Variants in LRRC4C observed in about 807,000 individuals in gnomAD.
LRRC4C encodes the protein leucine rich repeat containing 4C.
In LRRC4C, 5 loss-of-function variants were observed where a neutral mutation model predicts 33.6. The ratio of observed to expected loss-of-function variants is 0.15; its 90% confidence interval spans 0.08 to 0.31. The LOEUF (loss-of-function observed/expected upper bound fraction) is 0.31, where lower values mean the gene tolerates loss of function less well. Among genes scored for constraint, LRRC4C ranks in the 10% least tolerant of loss-of-function variants. The pLI, the probability that LRRC4C is intolerant of heterozygous loss-of-function variation, is 1.00. For synonymous variants in LRRC4C, 329 were observed against 302.0 expected, an observed-to-expected ratio of 1.09 and a Z score of -0.93; for missense variants, 560 against 796.7, an observed-to-expected ratio of 0.70 and a Z score of 3.58.
intron 1 of LRRC4C, among the ~76,000 whole-genome samples, chr11:41,431,238 CAGTAA>C (rs1275153967): frequency 6.6e-6 from 1 of 151,964 alleles, no homozygotes; most frequent in African/African-American, 2.4e-5. Flanking sequence ...AAGGTTAAAA[CAGTAA>C]TATTAACCAA....
At chr11:40,127,014 T>C (rs552173936) in intron 6 of LRRC4C, among the ~76,000 whole-genome samples, 12 of 151,670 alleles carry the variant, frequency 7.9e-5, no homozygotes, top group Non-Finnish European at 1.5e-4. Flanking sequence ...GTGTAGTGGC[T>C]CACGCCTATA....
In LRRC4C at chr11:40,892,866, G is replaced by C. The variant is rs76267420; in HGVS notation, c.-407+40769C>G. On this transcript the variant is annotated intron_variant, in intron 2 of 6. Transcript: ENST00000528697. Reference sequence around the variant, plus strand: ...ATTTTGTATATACAAGATAGTAGTGGTTGTTACACAATATTATAATGTATT... The same window carrying C: ...ATTTTGTATATACAAGATAGTAGTGCTTGTTACACAATATTATAATGTATT... 1.7e-3 allele frequency among the ~76,000 whole-genome samples: 262 copies of C among 152,204 alleles called. 6 individuals are homozygous for C. In the East Asian group the frequency reaches 0.037, roughly 22 times the overall value.
At chr11:41,300,970 A>C (rs1233744927) in intron 1 of LRRC4C, among the ~76,000 whole-genome samples, 1 of 152,244 alleles carries the variant, frequency 6.6e-6, no homozygotes, top group African/African-American at 2.4e-5. Context: ...GTCATCACTG[A>C]TAACAACTTA....
chr11:41,113,082 A>G (rs547894830), intron 1 of LRRC4C, among the ~76,000 whole-genome samples: 3 of 152,218 alleles, frequency 2.0e-5, no homozygotes, highest in East Asian at 1.9e-4. Context: ...ACAATATCTA[A>G]CCATGCTAAA....
At chr11:40,504,838 G>A (rs116467458) in intron 3 of LRRC4C, among the ~76,000 whole-genome samples, 3,144 of 152,144 alleles carry the variant, frequency 0.021, 119 homozygotes, top group African/African-American at 0.072. Context: ...GACAAGATTC[G>A]GGAATTTTCT....
chr11:41,376,410 A>G (rs543971553), intron 1 of LRRC4C, among the ~76,000 whole-genome samples: 1 of 152,296 alleles, frequency 6.6e-6, no homozygotes, highest in Non-Finnish European at 1.5e-5. Context: ...AGATGACACA[A>G]ATCTCAGCTC....
intron 3 of LRRC4C, among the ~76,000 whole-genome samples, chr11:40,643,098 T>C (rs1403461823): frequency 1.3e-5 from 2 of 152,192 alleles, no homozygotes; most frequent in African/African-American, 4.8e-5. Context: ...GGTGAGTTCC[T>C]GGGTTTTTGT....
At chr11:40,578,522 T>G (rs1958320874) in intron 3 of LRRC4C, among the ~76,000 whole-genome samples, 1 of 152,078 alleles carries the variant, frequency 6.6e-6, no homozygotes, top group Non-Finnish European at 1.5e-5. Context: ...TACCCAAGCA[T>G]TCCTACACAT....
chr11:41,210,545 C>A (rs955696480), intron 1 of LRRC4C, among the ~76,000 whole-genome samples: 3 of 152,084 alleles, frequency 2.0e-5, no homozygotes. Context: ...ATGTCTTTAT[C>A]AACAGCATGA....
intron 2 of LRRC4C, among the ~76,000 whole-genome samples, chr11:40,909,473 G>A (rs1194942496): frequency 6.6e-6 from 1 of 152,016 alleles, no homozygotes; most frequent in Non-Finnish European, 1.5e-5. Context: ...TAAATAAACA[G>A]CAGATCAGTA....
intron 1 of LRRC4C, among the ~76,000 whole-genome samples, chr11:41,025,732 G>A (rs529121296): frequency 6.6e-6 from 1 of 151,770 alleles, no homozygotes; most frequent in Admixed American, 6.6e-5. Context: ...CAGACATTTC[G>A]TGTCAAGGAG....
At chr11:41,303,232 C>A (rs1342030943) in intron 1 of LRRC4C, among the ~76,000 whole-genome samples, 1 of 149,702 alleles carries the variant, frequency 6.7e-6, no homozygotes, top group Non-Finnish European at 1.5e-5. Flanking sequence ...CGAATGCCTG[C>A]GATTGCAGGC....
intron 4 of LRRC4C, among the ~76,000 whole-genome samples, chr11:40,290,974 A>C (rs1944154412): frequency 6.6e-6 from 1 of 152,090 alleles, no homozygotes. Flanking sequence ...TCCCAAACTG[A>C]CTTTTGCCTG....
At chr11:40,238,073 T>C (rs749853427) in intron 5 of LRRC4C, among the ~76,000 whole-genome samples, 2 of 152,126 alleles carry the variant, frequency 1.3e-5, no homozygotes, top group Non-Finnish European at 2.9e-5. Flanking sequence ...CTCAAAGGGA[T>C]CCAAAATTTG....
In LRRC4C at chr11:41,292,415, T is replaced by G. The variant is rs558515843; in HGVS notation, c.-496+167016A>C. Among the ~76,000 whole-genome samples the G allele has an allele frequency of 6.0e-5, 9 of 150,834 alleles. No individual in the cohort carries two copies. In the South Asian group the frequency reaches 8.3e-4, roughly 14 times the overall value. On this transcript the variant is annotated intron_variant, in intron 1 of 6. Transcript: ENST00000528697. ...CAATAAACAGCAGCGTAAAAAAAAA[T>G]GTATATATATAGAAGCCATTGAGAT... is the stretch of plus-strand genomic sequence containing the variant.
chr11:40,473,147 C>G (rs151051924), intron 3 of LRRC4C, among the ~76,000 whole-genome samples: 1 of 152,070 alleles, frequency 6.6e-6, no homozygotes, highest in African/African-American at 2.4e-5. Flanking sequence ...AGAGATGCAA[C>G]AACAAAAAAG....
At chr11:40,521,322 T>G (rs1590988829) in intron 3 of LRRC4C, among the ~76,000 whole-genome samples, 1 of 152,330 alleles carries the variant, frequency 6.6e-6, no homozygotes, top group East Asian at 1.9e-4. Flanking sequence ...AATAAGTCAT[T>G]AAATAATTCT....
intron 1 of LRRC4C, among the ~76,000 whole-genome samples, chr11:41,073,931 G>A (rs1290119781): frequency 6.6e-6 from 1 of 152,100 alleles, no homozygotes; most frequent in Admixed American, 6.6e-5. Context: ...CACAGTAAAT[G>A]AGATCCATGA....
chr11:40,838,842 T>TA (rs1272780125), intron 2 of LRRC4C, among the ~76,000 whole-genome samples: 1 of 152,058 alleles, frequency 6.6e-6, no homozygotes, highest in African/African-American at 2.4e-5. Context: ...AGCCATCTCT[T>TA]ATAATTATTA....
Sources: allele counts gnomAD v4.1 joint callset (sites outside exome capture counted in the v4.1 genomes callset), GRCh38; gene constraint gnomAD v4.1.1; transcripts MANE v1.5; gene names NCBI Gene and HGNC (gene_info 2026-07-23, HGNC 2026-07-21).